Variants in GPC6 observed in about 807,000 individuals in gnomAD.
GPC6 encodes the protein glypican-6.
In GPC6, 14 loss-of-function variants were observed where a neutral mutation model predicts 55.2. That is an observed-to-expected ratio of 0.25 (90% CI 0.17 to 0.40). The LOEUF (loss-of-function observed/expected upper bound fraction) is 0.40. GPC6 is among the 10% of genes least tolerant of loss of function. The pLI, the probability that GPC6 is intolerant of heterozygous loss-of-function variation, is 1.00. For missense variants in GPC6, 641 were observed against 708.5 expected, an observed-to-expected ratio of 0.90 and a Z score of 1.08; for synonymous variants, 278 against 259.6, an observed-to-expected ratio of 1.07 and a Z score of -0.68.
At chr13:93,666,547 C>T (rs942581909) in intron 2 of GPC6, among the ~76,000 whole-genome samples, 5 of 152,204 alleles carry the variant, frequency 3.3e-5, no homozygotes, top group East Asian at 1.9e-4. Flanking sequence ...CACAGTGCCT[C>T]ATAGAGCCAA....
At chr13:93,423,431 G>A (rs1211525425) in intron 1 of GPC6, among the ~76,000 whole-genome samples, 2 of 152,172 alleles carry the variant, frequency 1.3e-5, no homozygotes, top group Admixed American at 1.3e-4. Flanking sequence ...TTAGGAGAAT[G>A]TCTAGAAACA....
At chr13:93,446,548 AAGC>A (rs961552316) in intron 1 of GPC6, among the ~76,000 whole-genome samples, 2 of 152,186 alleles carry the variant, frequency 1.3e-5, no homozygotes, top group African/African-American at 4.8e-5. Context: ...ACACATGAAA[AAGC>A]AGCAGAAGTG....
intron 1 of GPC6, among the ~76,000 whole-genome samples, chr13:93,429,096 A>C (rs1300503144): frequency 1.3e-5 from 2 of 152,132 alleles, no homozygotes; most frequent in Non-Finnish European, 1.5e-5. Context: ...TCAGGTATTG[A>C]CATTATACAG....
chr13:93,645,220 A>G (rs770242383), intron 2 of GPC6, among the ~76,000 whole-genome samples: 2 of 151,340 alleles, frequency 1.3e-5, no homozygotes, highest in Non-Finnish European at 2.9e-5. Flanking sequence ...ATGATACCTT[A>G]TAAGTAAAAT....
chr13:93,633,452 C>G (rs1387555351), intron 2 of GPC6, among the ~76,000 whole-genome samples: 1 of 152,072 alleles, frequency 6.6e-6, no homozygotes, highest in Non-Finnish European at 1.5e-5. Flanking sequence ...TTAAGACTAG[C>G]CTGGCCAACA....
intron 7 of GPC6, among the ~76,000 whole-genome samples, chr13:94,386,836 C>G (rs1414664465): frequency 6.6e-6 from 1 of 152,160 alleles, no homozygotes; most frequent in African/African-American, 2.4e-5. Flanking sequence ...TTTGTCCTAT[C>G]TAAGTGTTTA....
chr13:93,466,323 G>A (rs368823122), intron 1 of GPC6, among the ~76,000 whole-genome samples: 52 of 152,118 alleles, frequency 3.4e-4, no homozygotes, highest in African/African-American at 7.0e-4. Flanking sequence ...ATTTGTTTTC[G>A]TCACGTATAT....
At chr13:93,946,457 C>A (rs886211190) in intron 3 of GPC6, among the ~76,000 whole-genome samples, 1 of 152,036 alleles carries the variant, frequency 6.6e-6, no homozygotes, top group Admixed American at 6.5e-5. Context: ...ATATGACTTA[C>A]TTAATTCAAA....
chr13:94,257,569 C>T (rs1284926819), intron 4 of GPC6, among the ~76,000 whole-genome samples: 1 of 152,128 alleles, frequency 6.6e-6, no homozygotes, highest in Non-Finnish European at 1.5e-5. Context: ...AGCTCTCCCC[C>T]TAGTATTCCC....
intron 4 of GPC6, among the ~76,000 whole-genome samples, chr13:94,191,011 A>T (rs1889375479): frequency 6.6e-6 from 1 of 152,194 alleles, no homozygotes; most frequent in South Asian, 2.1e-4. Flanking sequence ...AAATGTTAAC[A>T]ATAGGTGATT....
At chr13:93,521,357 C>G (rs916750401) in intron 1 of GPC6, among the ~76,000 whole-genome samples, 1 of 151,480 alleles carries the variant, frequency 6.6e-6, no homozygotes, top group African/African-American at 2.4e-5. Flanking sequence ...TATCTTGATG[C>G]GATAGACCAG....
chr13:93,529,510 CTTTTTTT>C (rs1165594323), intron 1 of GPC6, among the ~76,000 whole-genome samples: 2 of 85,198 alleles, frequency 2.3e-5, no homozygotes, highest in Non-Finnish European at 4.3e-5. Flanking sequence ...CTCTGAGATT[CTTTTTTT>C]TTTTTTTTTT....
chr13:93,884,270 G>T (rs1185015383), intron 3 of GPC6, among the ~76,000 whole-genome samples: 1 of 151,976 alleles, frequency 6.6e-6, no homozygotes, highest in African/African-American at 2.4e-5. Flanking sequence ...CATGGCCGTT[G>T]TCTTACTATA....
intron 2 of GPC6, among the ~76,000 whole-genome samples, chr13:93,698,850 A>G (rs1030907655): frequency 1.3e-5 from 2 of 150,190 alleles, no homozygotes; most frequent in Admixed American, 6.7e-5. Flanking sequence ...TCTCAATGCA[A>G]TTTTGGAGTT....
At chr13:94,073,052 A>G (rs2138785464) in intron 4 of GPC6, among the ~76,000 whole-genome samples, 1 of 152,302 alleles carries the variant, frequency 6.6e-6, no homozygotes, top group Middle Eastern at 3.4e-3. Flanking sequence ...TATGTTAGAG[A>G]GAGGCAGAGA....
At chr13:94,325,882 C>T (rs1235593855) in intron 6 of GPC6, among the ~76,000 whole-genome samples, 1 of 152,178 alleles carries the variant, frequency 6.6e-6, no homozygotes, top group Non-Finnish European at 1.5e-5. Context: ...GAGACCAGAG[C>T]CTGATCCTTA....
intron 1 of GPC6, among the ~76,000 whole-genome samples, chr13:93,364,507 T>A (rs1415034382): frequency 6.6e-6 from 1 of 152,062 alleles, no homozygotes; most frequent in Admixed American, 6.6e-5. Context: ...TATATGTTGC[T>A]GTGGTGTGTC....
chr13:93,959,912 T>A (rs1370414834), intron 3 of GPC6, among the ~76,000 whole-genome samples: 3 of 152,220 alleles, frequency 2.0e-5, no homozygotes, highest in Admixed American at 2.0e-4. Flanking sequence ...TAATTCCAGA[T>A]AATCCAATTT....
intron 1 of GPC6, among the ~76,000 whole-genome samples, chr13:93,307,859 A>C (rs994014716): frequency 1.3e-5 from 2 of 152,202 alleles, no homozygotes; most frequent in African/African-American, 4.8e-5. Flanking sequence ...AAAAATGATG[A>C]CTGCAAGTTA....
Sources: gnomAD v4.1 joint callset for allele counts (sites outside exome capture counted in the v4.1 genomes callset) on GRCh38, gnomAD v4.1.1 for gene constraint, MANE v1.5 for transcripts, NCBI Gene and HGNC (gene_info 2026-07-23, HGNC 2026-07-21) for gene names.